Variants in TRMT1L observed in about 807,000 individuals in gnomAD.
TRMT1L encodes the protein tRNA methyltransferase 1L.
A neutral mutation model predicts 81.6 loss-of-function variants in TRMT1L; 28 were observed. The ratio of observed to expected loss-of-function variants is 0.34; its 90% CI spans 0.25 to 0.47. The LOEUF (loss-of-function observed/expected upper bound fraction) is 0.47, where lower values mean the gene tolerates loss of function less well. Among genes scored for constraint, TRMT1L ranks in the 20% least tolerant of loss-of-function variants. The probability of loss-of-function intolerance (pLI) is 1.00; values close to 1 mark genes in which losing one functional copy is unlikely to be tolerated. For missense variants in TRMT1L, 739 were observed against 877.1 expected (o/e 0.84, Z 1.99); for synonymous variants, 301 against 303.2 (o/e 0.99, Z 0.07).
chr1:185,144,175 C>A (rs1653124396), intron 5 of TRMT1L, 146 bp from the exon 6 acceptor site: 8 of 943,360 alleles, frequency 8.5e-6, no homozygotes, highest in African/African-American at 3.4e-5. Flanking sequence ...TGTGTTAATG[C>A]AAACGGTTTG....
At position 185,156,403 on chromosome 1, in the gene TRMT1L, A is replaced by T. The variant is rs1571364128; in HGVS notation, c.235+75T>A. On this transcript the variant is annotated intron_variant, in intron 1 of 14. Transcript: ENST00000367506. ...TGCCCCATAAAAACCATCCCGGTGA[A>T]GGGCCTCCCCTACTTCCCAGCAAGG... 3.2e-5 allele frequency: 51 copies of T among 1,612,298 alleles called. No homozygotes were observed. The East Asian group carries it at 1.1e-3, about 35-fold the overall frequency.
intron 3 of TRMT1L, 31 bp from the exon 4 acceptor site, chr1:185,147,277 T>C (rs1234503945): frequency 6.6e-7 from 1 of 1,523,706 alleles, no homozygotes; most frequent in East Asian, 2.3e-5. Flanking sequence ...TTATCATACA[T>C]TGTTCATTAA....
chr1:185,137,520 G>T, intron 10 of TRMT1L, 86 bp downstream of exon 10: 1 of 1,339,970 alleles, frequency 7.5e-7, no homozygotes, highest in Non-Finnish European at 1.1e-6. Flanking sequence ...TAAAATCAAA[G>T]GACAACAATA....
intron 11 of TRMT1L, 92 bp downstream of exon 11, chr1:185,128,577 A>C: frequency 8.3e-7 from 1 of 1,207,422 alleles, no homozygotes; most frequent in Non-Finnish European, 1.2e-6. Flanking sequence ...ATTGAATTTA[A>C]ATTTGTCTTT....
chr1:185,140,983 A>AC (rs1557989645), intron 7 of TRMT1L, among the ~76,000 whole-genome samples: 2 of 151,698 alleles, frequency 1.3e-5, no homozygotes, highest in Admixed American at 6.6e-5. Context: ...AAAAAAAAAA[A>AC]AACAACAAAA....
chr1:185,145,586 T>C lies in TRMT1L; in HGVS notation c.526-18A>G. Reference sequence around the variant, plus strand: ...CTGGTTATCTATCAAACAGAGTATTTAATTTAAATAAGTTGCTAAGACAAT... The same window carrying C: ...CTGGTTATCTATCAAACAGAGTATTCAATTTAAATAAGTTGCTAAGACAAT... On this transcript the variant is annotated intron_variant, in intron 4 of 14. Transcript: ENST00000367506. The C allele has an allele frequency of 6.2e-7, 1 of 1,606,298 alleles. No homozygotes were observed.
intron 7 of TRMT1L, 42 bp from the exon 8 acceptor site, chr1:185,140,264 AAT>A (rs1256542882): frequency 6.9e-7 from 1 of 1,439,400 alleles, no homozygotes; most frequent in Admixed American, 2.3e-5. Context: ...TAATTGTAAT[AAT>A]TTTAAAGAAT....
chr1:185,123,375 T>C (rs968335934), intron 13 of TRMT1L, among the ~76,000 whole-genome samples: 2 of 152,192 alleles, frequency 1.3e-5, no homozygotes, highest in African/African-American at 4.8e-5. Context: ...CATCCTTTAA[T>C]ATGAATTTAG....
intron 5 of TRMT1L, 83 bp from the exon 6 acceptor site, chr1:185,144,112 G>T: frequency 7.9e-7 from 1 of 1,270,984 alleles, no homozygotes. Context: ...CAAAATAATT[G>T]TAAACATCTA....
intron 4 of TRMT1L, 44 bp downstream of exon 4, chr1:185,147,138 A>C: frequency 7.2e-7 from 1 of 1,391,036 alleles, no homozygotes; most frequent in South Asian, 1.2e-5. Flanking sequence ...GCTTTCTTTA[A>C]AAAGGACTAA....
Position 185,120,274 on chromosome 1 carries a change from G to T in TRMT1L, c.1950-3C>A. 6.5e-7 allele frequency: 1 copy of T among 1,527,372 alleles called. No individual in the cohort carries two copies. Among genetic ancestry groups the T allele is most frequent in the Non-Finnish European group, 8.8e-7 (1 of 1,138,084 alleles). The allele number at this position is 1,527,372 out of a possible 1,614,324, so 94.6% of individuals were successfully genotyped here. On this transcript the variant is annotated splice_polypyrimidine_tract_variant and splice_region_variant and intron_variant, in intron 14 of 14. Transcript: ENST00000367506. ...AATAGCACAAAAACTTTTTTAACCTGCAAAAAGGAAAGGAAAGAAAAAATA... is the reference window on the plus strand; with the variant it reads ...AATAGCACAAAAACTTTTTTAACCTTCAAAAAGGAAAGGAAAGAAAAAATA...
chr1:185,151,689 TA>T, intron 2 of TRMT1L, 135 bp downstream of exon 2: 1 of 501,960 alleles, frequency 2.0e-6, no homozygotes, highest in Non-Finnish European at 3.4e-6. Context: ...ATTTCCTGAA[TA>T]AAAAACTGTA....
intron 6 of TRMT1L, 49 bp downstream of exon 6, chr1:185,143,857 C>A (rs1302281275): frequency 6.6e-7 from 1 of 1,511,240 alleles, no homozygotes; most frequent in South Asian, 1.3e-5. Flanking sequence ...AGAAGGTACA[C>A]TTATAATAAT....
In TRMT1L at chr1:185,147,266, G is replaced by C. The variant is rs773999474; in HGVS notation, c.461-20C>G. 6.4e-7 allele frequency: 1 copy of C among 1,571,164 alleles called. No homozygotes were observed. Among genetic ancestry groups the C allele is most frequent in the Non-Finnish European group, 8.7e-7 (1 of 1,149,018 alleles). On this transcript the variant is annotated intron_variant, in intron 3 of 14. Coordinates refer to ENST00000367506, the MANE Select transcript of TRMT1L (RefSeq NM_030934.5). ...TGTAACCTAAAATAAAGAATGGCTGGTTATCATACATTGTTCATTAAATAT... is the reference window on the plus strand; with the variant it reads ...TGTAACCTAAAATAAAGAATGGCTGCTTATCATACATTGTTCATTAAATAT...
intron 3 of TRMT1L, among the ~76,000 whole-genome samples, chr1:185,149,900 A>T (rs1446411509): frequency 2.6e-5 from 4 of 152,108 alleles, no homozygotes; most frequent in African/African-American, 9.7e-5. Context: ...ATTTATCTGA[A>T]GTAGAAAATG....
chr1:185,150,515 T>C (rs1009816695), intron 2 of TRMT1L, 23 bp from the exon 3 acceptor site: 6 of 1,529,908 alleles, frequency 3.9e-6, no homozygotes, highest in East Asian at 2.3e-5. Context: ...AAAGAATCAA[T>C]AAACAACAGA....
Position 185,124,945 on chromosome 1 carries a change from T to C in TRMT1L, c.1758A>G (p.Gln586=). Residue 586 remains glutamine, a splice_region_variant and synonymous_variant, in exon 12 of 15, where the codon CAA becomes CAG. Coordinates refer to ENST00000367506, the MANE Select transcript of TRMT1L (RefSeq NM_030934.5). ...SIHASSNVNK[Q]EENGVFIKTT... is the part of the protein sequence containing the mutation. ...GTAAGCTAGCGTTCAGTTAGTCACC[T>C]TGCTTGTTGACATTTGAAGATGCAT... 6.2e-7 allele frequency: 1 copy of C among 1,609,838 alleles called. No homozygotes were observed. Among genetic ancestry groups the C allele is most frequent in the Non-Finnish European group, 8.5e-7 (1 of 1,177,696 alleles).
intron 2 of TRMT1L, among the ~76,000 whole-genome samples, 184 bp from the exon 3 acceptor site, chr1:185,150,676 T>G (rs79093691): frequency 6.6e-6 from 1 of 151,880 alleles, no homozygotes; most frequent in African/African-American, 2.4e-5. Flanking sequence ...ACATGATCAG[T>G]GATTGTTTTT....
chr1:185,129,891 G>A (rs1450582290), intron 10 of TRMT1L, among the ~76,000 whole-genome samples: 4 of 152,156 alleles, frequency 2.6e-5, no homozygotes, highest in Admixed American at 6.5e-5. Flanking sequence ...TACTTAAGAA[G>A]TCTTCTCTTA....
Sources: allele counts gnomAD v4.1 joint callset (sites outside exome capture counted in the v4.1 genomes callset), GRCh38; gene constraint gnomAD v4.1.1; transcripts MANE v1.5; gene names NCBI Gene and HGNC (gene_info 2026-07-23, HGNC 2026-07-21).